Variants in FAAH2 observed in about 807,000 individuals in gnomAD.
FAAH2 encodes fatty-acid amide hydrolase 2.
A neutral mutation model predicts 36.9 loss-of-function variants in FAAH2; 60 were observed. The ratio of observed to expected loss-of-function variants is 1.63; its 90% confidence interval spans 1.32 to 2.02. FAAH2 has a LOEUF of 2.02. Among genes scored for constraint, FAAH2 ranks in the 30% most tolerant of loss-of-function variants. FAAH2 has a pLI of 0.00. For synonymous variants in FAAH2, 214 were observed against 143.8 expected (o/e 1.49, Z -3.49); for missense variants, 689 against 397.5 (o/e 1.73, Z -6.23).
the FAAH2 span, among the ~76,000 whole-genome samples, chrX:57,182,716 C>T: frequency 9.0e-6 from 1 of 111,338 alleles, no homozygotes; most frequent in Non-Finnish European, 1.9e-5. Flanking sequence ...GAATATCAAT[C>T]GTTCTATCAT....
At chrX:57,383,012 C>T (rs1213945114) in intron 7 of FAAH2, among the ~76,000 whole-genome samples, 2 of 110,975 alleles carry the variant, frequency 1.8e-5, no homozygotes, top group Non-Finnish European at 3.8e-5. Flanking sequence ...GGATGCAAGG[C>T]TGGTTTAACA....
chrX:57,231,066 T>TGTGTGTGTGTGTGA, the FAAH2 span, among the ~76,000 whole-genome samples: 803 of 108,412 alleles, frequency 7.4e-3, 10 homozygotes, highest in African/African-American at 0.026. Flanking sequence ...TGTGTGTGTG[T>TGTGTGTGTGTGTGA]GAGTGTGTGT....
chrX:57,473,410 T>G (rs1338186682), intron 10 of FAAH2, among the ~76,000 whole-genome samples: 1 of 111,784 alleles, frequency 8.9e-6, no homozygotes, highest in Non-Finnish European at 1.9e-5. Flanking sequence ...TTATTTTACC[T>G]TTTTGAATGC....
the FAAH2 span, among the ~76,000 whole-genome samples, chrX:57,247,806 G>T: frequency 2.7e-5 from 3 of 112,267 alleles, no homozygotes; most frequent in Non-Finnish European, 5.6e-5. Context: ...CAATAAACTT[G>T]TCTCTAGTTA....
At chrX:57,394,071 C>T (rs2055232817) in intron 7 of FAAH2, 2 of 732,974 alleles carry the variant, frequency 2.7e-6, no homozygotes, top group Admixed American at 4.4e-5. Context: ...GCATCAATAG[C>T]CGCAGCAACA....
chrX:57,216,543 C>CCAAA, the FAAH2 span, among the ~76,000 whole-genome samples: 1 of 21,128 alleles, frequency 4.7e-5, no homozygotes, highest in Non-Finnish European at 7.1e-5. Flanking sequence ...TATATATATA[C>CCAAA]GTATATGTAT....
At chrX:57,486,866 T>C (rs1356107973) in intron 10 of FAAH2, among the ~76,000 whole-genome samples, 4 of 111,800 alleles carry the variant, frequency 3.6e-5, no homozygotes, top group Non-Finnish European at 7.5e-5. Context: ...AATTCAGGGA[T>C]ATTCATGAAA....
chrX:57,300,154 T>C (rs2052301309), intron 2 of FAAH2, among the ~76,000 whole-genome samples: 1 of 111,346 alleles, frequency 9.0e-6, no homozygotes, highest in South Asian at 3.8e-4. Flanking sequence ...GCCAAGTCAA[T>C]CCTAAGCCAA....
the FAAH2 span, among the ~76,000 whole-genome samples, chrX:57,172,450 GC>G: frequency 2.7e-5 from 3 of 110,613 alleles, no homozygotes; most frequent in Non-Finnish European, 5.7e-5. Context: ...GATGTTTACA[GC>G]TCCTGAAGCC....
chrX:57,181,983 C>A, the FAAH2 span, among the ~76,000 whole-genome samples: 1 of 111,618 alleles, frequency 9.0e-6, no homozygotes, highest in Non-Finnish European at 1.9e-5. Context: ...AGAAAAAAAA[C>A]CCTCCCTGTT....
At chrX:57,299,853 A>G (rs2146833796) in intron 2 of FAAH2, among the ~76,000 whole-genome samples, 1 of 111,863 alleles carries the variant, frequency 8.9e-6, no homozygotes, top group South Asian at 3.8e-4. Flanking sequence ...ACTCCCATTC[A>G]CAATTGCTTC....
In FAAH2 at chrX:57,413,374, T is replaced by G. The variant is rs146958256; in HGVS notation, c.997-18544T>G. Among the ~76,000 whole-genome samples, 101 of 112,506 alleles carry G rather than the reference T, an allele frequency of 9.0e-4. 1 individual carries two copies. The highest frequency in any genetic ancestry group is 1.7e-3 in the Non-Finnish European group (92 of 53,319). On this transcript the variant is annotated intron_variant, in intron 7 of 10. Coordinates refer to ENST00000374900, the MANE Select transcript of FAAH2 (RefSeq NM_174912.4). ...GTTTTAGGTCTTACATTTAAGTCTT[T>G]AATCCATCTTGAGTTAATTTTTGTA... is the stretch of plus-strand genomic sequence containing the variant.
chrX:57,394,488 T>C, intron 7 of FAAH2: 1 of 1,205,274 alleles, frequency 8.3e-7, no homozygotes, highest in Middle Eastern at 3.2e-4. Flanking sequence ...GATATATCAA[T>C]GTCACTTGGA....
chrX:57,458,752 C>A (rs1348226032), intron 10 of FAAH2, among the ~76,000 whole-genome samples: 1 of 111,728 alleles, frequency 9.0e-6, no homozygotes, highest in Non-Finnish European at 1.9e-5. Context: ...CGTTCCCTAG[C>A]CAAGGGAAGC....
At chrX:57,393,651 G>C (rs2055221340) in intron 7 of FAAH2, 1 of 963,416 alleles carries the variant, frequency 1.0e-6, no homozygotes, top group South Asian at 1.9e-5. Flanking sequence ...GCACTGACGG[G>C]GTCTCCTTTC....
intron 10 of FAAH2, among the ~76,000 whole-genome samples, chrX:57,472,255 T>A (rs1209773258): frequency 1.8e-5 from 2 of 111,937 alleles, no homozygotes; most frequent in Non-Finnish European, 3.8e-5. Flanking sequence ...AATCTAATTA[T>A]ACTAAGGCGC....
upstream of FAAH2, among the ~76,000 whole-genome samples, chrX:57,283,276 G>A (rs1484925661): frequency 2.7e-5 from 3 of 111,227 alleles, no homozygotes; most frequent in Middle Eastern, 4.2e-3. Flanking sequence ...TTGTCTCTGG[G>A]ACCTCCATCT....
At chrX:57,216,982 G>A in the FAAH2 span, among the ~76,000 whole-genome samples, 2 of 110,370 alleles carry the variant, frequency 1.8e-5, no homozygotes, top group Non-Finnish European at 3.8e-5. Flanking sequence ...TCAGGAATAA[G>A]GTGGTATCGC....
chrX:57,465,806 C>T (rs1039143321), intron 10 of FAAH2, among the ~76,000 whole-genome samples: 2 of 110,513 alleles, frequency 1.8e-5, no homozygotes, highest in Non-Finnish European at 3.8e-5. Flanking sequence ...ATTATTATTT[C>T]TTCTCTTGCT....
Sources: gnomAD v4.1 joint callset for allele counts (sites outside exome capture counted in the v4.1 genomes callset) on GRCh38, gnomAD v4.1.1 for gene constraint, MANE v1.5 for transcripts, NCBI Gene and HGNC (gene_info 2026-07-23, HGNC 2026-07-21) for gene names.